ZSCAN20: variants seen among roughly 807,000 people sequenced by gnomAD.
ZSCAN20 encodes the protein zinc finger and SCAN domain-containing protein 20.
In ZSCAN20, 39 loss-of-function variants were observed where a neutral mutation model predicts 97.1. That is an observed-to-expected ratio of 0.40 (90% CI 0.31 to 0.52). The LOEUF (loss-of-function observed/expected upper bound fraction) is 0.52. ZSCAN20 is among the 20% of genes least tolerant of loss of function. ZSCAN20 has a pLI of 0.49. For missense variants in ZSCAN20, 1,115 were observed against 1,290.4 expected (o/e 0.86, Z 2.08); for synonymous variants, 456 against 467.3 (o/e 0.98, Z 0.31).
Position 33,498,898 on chromosome 1 carries a change from G to T in ZSCAN20, c.*3422G>T, listed in dbSNP as rs1226140592. ...AGAGGCAGCAGACCCAAAGGTAGGG[G>T]CAGGGAAAGGAGGGGCCAAGACTTT... On this transcript the variant is annotated 3_prime_UTR_variant, in exon 8 of 8. Transcript: ENST00000684572. 6.6e-6 allele frequency among the ~76,000 whole-genome samples: 1 copy of T among 152,214 alleles called. No homozygotes were observed. The highest frequency in any genetic ancestry group is 6.5e-5 in the Admixed American group (1 of 15,288).
rs1414632059 is a variant in ZSCAN20 at position 33,478,320 on chromosome 1, G to T, written c.-110-859G>T. Among the ~76,000 whole-genome samples the T allele has an allele frequency of 2.0e-5, 3 of 148,288 alleles. No homozygotes were observed. In the East Asian group the frequency reaches 6.1e-4, roughly 30 times the overall value. ...AAGTGGTAGCATTGGAGATGGAGAT[G>T]CCAAGTGGACACAGCGTGGTGATGA... On this transcript the variant is annotated intron_variant, in intron 1 of 7. Coordinates refer to ENST00000684572, the MANE Select transcript of ZSCAN20 (RefSeq NM_001377376.1).
rs1364935115 is a variant in ZSCAN20, at chr1:33,495,626, CA to C, written c.*153del. The C allele has an allele frequency of 1.5e-6, 1 of 675,078 alleles. No homozygotes were observed. The highest frequency in any genetic ancestry group is 3.1e-5 in the East Asian group (1 of 32,210). The allele number at this position is 675,078 out of a possible 1,614,324, so 41.8% of individuals were successfully genotyped here. A position where few individuals can be genotyped will look rare whatever the true frequency, so the allele number is the denominator to read the frequency against. On this transcript the variant is annotated 3_prime_UTR_variant, in exon 8 of 8. Coordinates refer to ENST00000684572, the MANE Select transcript of ZSCAN20 (RefSeq NM_001377376.1). ...AACCAGGTAATTTGGAAGTGAATTA[CA>C]AATACTAAGGATCCAGATTTGAAGG...
chr1:33,488,402 C>G (rs1383887200), intron 2 of ZSCAN20, 63 bp from the exon 3 acceptor site: 23 of 1,557,144 alleles, frequency 1.5e-5, no homozygotes, highest in Non-Finnish European at 2.0e-5. Flanking sequence ...TGCAGTTGTA[C>G]TCAAAATACC....
chr1:33,487,772 A>G (rs1440652884), intron 2 of ZSCAN20, among the ~76,000 whole-genome samples: 2 of 152,076 alleles, frequency 1.3e-5, no homozygotes, highest in Non-Finnish European at 2.9e-5. Context: ...CCTCTTGAGT[A>G]GCTGGGGGTA....
chr1:33,487,314 A>G (rs1256282638), intron 2 of ZSCAN20, among the ~76,000 whole-genome samples: 4 of 152,196 alleles, frequency 2.6e-5, no homozygotes, highest in Non-Finnish European at 5.9e-5. Context: ...GTGTTTCTAT[A>G]AAGTATTGAG....
chr1:33,489,715 C>T, intron 5 of ZSCAN20, 113 bp downstream of exon 5: 1 of 962,110 alleles, frequency 1.0e-6, no homozygotes, highest in Non-Finnish European at 1.6e-6. Context: ...TCTGGAATTT[C>T]AGAAATAGGA....
Position 33,491,376 on chromosome 1 carries a change from T to C in ZSCAN20, c.1118T>C (p.Leu373Pro), listed in dbSNP as rs201275808. 6.6e-4 allele frequency: 1,061 copies of C among 1,614,044 alleles called. No individual in the cohort carries two copies. Among genetic ancestry groups the C allele is most frequent in the Non-Finnish European group, 8.6e-4 (1,009 of 1,180,010 alleles). ...QLRARGFLRT[L>P]EQCRYRVKNL... Reference sequence around the variant, plus strand: ...AGGGCAAGGGGCTTCCTGCGGACACTGGAGCAATGTCGCTATAGGGTCAAA... The same window carrying C: ...AGGGCAAGGGGCTTCCTGCGGACACCGGAGCAATGTCGCTATAGGGTCAAA... The change falls in exon 6 of 8, where the codon CTG becomes CCG. Residue 373 changes from leucine to proline, a missense_variant. Physicochemically the swap from Leu to Pro is moderately conservative, Grantham distance 98. Coordinates refer to ENST00000684572, the MANE Select transcript of ZSCAN20 (RefSeq NM_001377376.1). This position sits in a 1 kb window ranked among gnomAD's most constrained non-coding sequence, Gnocchi z 4.3.
intron 1 of ZSCAN20, among the ~76,000 whole-genome samples, chr1:33,475,494 A>G (rs943293908): frequency 3.3e-5 from 5 of 152,222 alleles, no homozygotes; most frequent in Non-Finnish European, 7.3e-5. Flanking sequence ...ACTGTGCGGT[A>G]TGAAAGACAC....
At position 33,494,449 on chromosome 1, in the gene ZSCAN20, G is replaced by C; in HGVS notation, c.2105G>C (p.Gly702Ala). Residue 702 changes from glycine (G) to alanine (A), a missense_variant, in exon 8 of 8, where the codon GGC (glycine) becomes GCC (alanine). Around this residue, in one of 3 missense-constraint regions of ZSCAN20, gnomAD observed 554 missense variants for 584.9 expected, o/e 0.95. Transcript: ENST00000684572. Reference protein sequence around the residue: ...EDLEKLIDHQGLYLAEKPYKC... With the variant: ...EDLEKLIDHQALYLAEKPYKC... ...TTAGAAAAACTTATTGACCATCAAGGCCTGTACCTTGCAGAGAAACCCTAC... is the reference window on the plus strand; with the variant it reads ...TTAGAAAAACTTATTGACCATCAAGCCCTGTACCTTGCAGAGAAACCCTAC... The C allele has an allele frequency of 6.2e-7, 1 of 1,614,140 alleles. No individual in the cohort carries two copies. Among genetic ancestry groups the C allele is most frequent in the African/African-American group, 1.3e-5 (1 of 75,044 alleles).
Position 33,491,062 on chromosome 1 carries a change from A to G in ZSCAN20, c.804A>G (p.Lys268=), listed in dbSNP as rs967909893. 3 of 1,607,964 alleles carry G rather than the reference A, an allele frequency of 1.9e-6. No homozygotes were observed. The highest frequency in any genetic ancestry group is 1.7e-6 in the Non-Finnish European group (2 of 1,178,382). ...CAAAACCAAGTAATACCTCCGAGAA[A>G]GAGCAAGGACCAGAGTTTTGGGGTC... ...PVSKPSNTSE[K]EQGPEFWGLS... Residue 268 remains lysine, a synonymous_variant, in exon 6 of 8, where the codon AAA becomes AAG. Coordinates refer to ENST00000684572, the MANE Select transcript of ZSCAN20 (RefSeq NM_001377376.1). This position sits in a 1 kb window ranked among gnomAD's most constrained non-coding sequence, Gnocchi z 4.3.
At position 33,499,061 on chromosome 1, in the gene ZSCAN20, G is replaced by A. The variant is rs570456522; in HGVS notation, c.*3585G>A. The stretch of plus-strand genomic sequence containing the variant: ...CTAGGGTCCCTCCATGCTAAATAAT[G>A]TAGTCAGGCGCTCTGGGTAGTCCGT... On this transcript the variant is annotated 3_prime_UTR_variant, in exon 8 of 8. Transcript: ENST00000684572. 2.0e-5 allele frequency among the ~76,000 whole-genome samples: 3 copies of A among 152,346 alleles called. No individual in the cohort carries two copies. Among genetic ancestry groups the A allele is most frequent in the Non-Finnish European group, 4.4e-5 (3 of 68,036 alleles).
intron 1 of ZSCAN20, among the ~76,000 whole-genome samples, chr1:33,475,590 G>A (rs1337192619): frequency 6.6e-6 from 1 of 152,166 alleles, no homozygotes; most frequent in African/African-American, 2.4e-5. Flanking sequence ...ACCACCACAT[G>A]CTTATTCTCG....
Position 33,491,662 on chromosome 1 carries a change from C to T in ZSCAN20, c.1404C>T (p.Pro468=). ...GLVNVESTQG[P]RIAGAPALFQ... ...TCAATGTTGAGTCTACCCAGGGGCC[C>T]AGGATTGCAGGGGCCCCAGCTCTGT... The change falls in exon 6 of 8, where the codon CCC becomes CCT. Residue 468 remains proline (P), a synonymous_variant. Coordinates refer to ENST00000684572, the MANE Select transcript of ZSCAN20 (RefSeq NM_001377376.1). This position sits in a 1 kb window ranked among gnomAD's most constrained non-coding sequence, Gnocchi z 4.3. The T allele has an allele frequency of 6.2e-7, 1 of 1,610,588 alleles. No homozygotes were observed. Among genetic ancestry groups the T allele is most frequent in the Non-Finnish European group, 8.5e-7 (1 of 1,178,650 alleles).
intron 2 of ZSCAN20, among the ~76,000 whole-genome samples, chr1:33,480,190 T>A (rs942904058): frequency 2.6e-5 from 4 of 152,338 alleles, no homozygotes; most frequent in Admixed American, 2.6e-4. Flanking sequence ...AGTACTGTTG[T>A]CCCCATTTTA....
Position 33,495,433 on chromosome 1 carries a change from T to C in ZSCAN20, c.3089T>C (p.Phe1030Ser). The change falls in exon 8 of 8, where the codon TTC (phenylalanine) becomes TCC (serine). Residue 1030 changes from phenylalanine to serine, a missense_variant. Physicochemically the swap from Phe to Ser is radical, Grantham distance 155. Coordinates refer to ENST00000684572, the MANE Select transcript of ZSCAN20 (RefSeq NM_001377376.1). ...CGKDFNNSSHFSAHRRTHAGG... is the reference protein window; with the variant it reads ...CGKDFNNSSHSSAHRRTHAGG... ...AAAGACTTCAACAACAGTTCCCACTTCAGTGCTCACCGGAGAACCCATGCA... is the reference window on the plus strand; with the variant it reads ...AAAGACTTCAACAACAGTTCCCACTCCAGTGCTCACCGGAGAACCCATGCA... 6.4e-7 allele frequency: 1 copy of C among 1,574,378 alleles called. No individual in the cohort carries two copies. The highest frequency in any genetic ancestry group is 8.6e-7 in the Non-Finnish European group (1 of 1,159,606).
At position 33,495,671 on chromosome 1, in the gene ZSCAN20, G is replaced by A. The variant is rs1411797093; in HGVS notation, c.*195G>A. ...TTGAAGGCACTTTTAAGTGTAATTT[G>A]TTTTTCTTCTGTAAAGACCCACACA... is the stretch of plus-strand genomic sequence containing the variant. On this transcript the variant is annotated 3_prime_UTR_variant, in exon 8 of 8. Coordinates refer to ENST00000684572, the MANE Select transcript of ZSCAN20 (RefSeq NM_001377376.1). The A allele has an allele frequency of 4.3e-6, 2 of 460,400 alleles. No individual in the cohort carries two copies. The highest frequency in any genetic ancestry group is 7.3e-6 in the Non-Finnish European group (2 of 275,266). 28.5% of individuals were successfully genotyped at this position (460,400 alleles called of 1,614,324 possible).
At chr1:33,477,155 A>G (rs1020125687) in intron 1 of ZSCAN20, among the ~76,000 whole-genome samples, 5 of 152,182 alleles carry the variant, frequency 3.3e-5, no homozygotes, top group African/African-American at 1.2e-4. Context: ...TGAAAAGGGC[A>G]TGTCAAGGAA....
At chr1:33,482,782 T>A (rs973077967) in intron 2 of ZSCAN20, among the ~76,000 whole-genome samples, 1 of 152,210 alleles carries the variant, frequency 6.6e-6, no homozygotes, top group Non-Finnish European at 1.5e-5. Context: ...TGGTATTTTA[T>A]TGTTGTTCGA....
Position 33,475,470 on chromosome 1 carries a change from C to T in ZSCAN20, c.-111+2779C>T, listed in dbSNP as rs148258566. Among the ~76,000 whole-genome samples, 138 of 152,224 alleles carry T rather than the reference C, an allele frequency of 9.1e-4. 1 individual carries two copies. Among genetic ancestry groups the T allele is most frequent in the Admixed American group, 6.4e-3 (98 of 15,294 alleles). ...CTTGTTTGAACATTAGATGAGAATT[C>T]GCTTGTATTAGGGACTGTGCGGTAT... On this transcript the variant is annotated intron_variant, in intron 1 of 7. Transcript: ENST00000684572.
Sources: gnomAD v4.1 joint callset for allele counts (sites outside exome capture counted in the v4.1 genomes callset) on GRCh38, gnomAD v4.1.1 for gene constraint, gnomAD v4.1.1 regional missense constraint, Gnocchi (gnomAD v3.1) non-coding constraint, MANE v1.5 for transcripts, NCBI Gene and HGNC (gene_info 2026-07-23, HGNC 2026-07-21) for gene names.